The following NEB variants were observed in gnomAD, a reference collection of about 807,000 sequenced individuals.
NEB encodes nebulin, also known as nemaline myopathy type 2.
In NEB, 512 loss-of-function variants were observed where a neutral mutation model predicts 952.2. The ratio of observed to expected loss-of-function variants is 0.54; its 90% confidence interval spans 0.50 to 0.58. The LOEUF is 0.58. Among genes scored for constraint, NEB ranks in the 20% least tolerant of loss-of-function variants. The pLI, the probability that NEB is intolerant of heterozygous loss-of-function variation, is 0.00. For synonymous variants in NEB, 2,900 were observed against 3,149.8 expected (o/e 0.92, Z 2.66); for missense variants, 8,428 against 9,231.1 (o/e 0.91, Z 3.56).
intron 22 of NEB, 24 bp from the exon 23 acceptor site, chr2:151,691,992 A>G (rs555690038): frequency 9.3e-6 from 15 of 1,608,894 alleles, no homozygotes; most frequent in Non-Finnish European, 1.3e-5. Flanking sequence ...AACCAAAAAT[A>G]GATCATGATT....
At chr2:151,532,826 G>C (rs1450655555) in intron 143 of NEB, among the ~76,000 whole-genome samples, 1 of 151,896 alleles carries the variant, frequency 6.6e-6, no homozygotes, top group Admixed American at 6.6e-5. Context: ...GTTTATTGCT[G>C]CATCAAATTT....
intron 51 of NEB, among the ~76,000 whole-genome samples, 199 bp from the exon 52 acceptor site, chr2:151,654,298 A>G (rs1474246999): frequency 6.6e-6 from 1 of 152,178 alleles, no homozygotes; most frequent in Non-Finnish European, 1.5e-5. Flanking sequence ...CCTGGCTTTA[A>G]TCTTTTTTGG....
intron 65 of NEB, among the ~76,000 whole-genome samples, chr2:151,631,682 A>G (rs2098670858): frequency 6.6e-6 from 1 of 152,198 alleles, no homozygotes; most frequent in Non-Finnish European, 1.5e-5. Flanking sequence ...CGTGCCCAAC[A>G]TCAGGCCCTT....
intron 76 of NEB, among the ~76,000 whole-genome samples, chr2:151,615,704 AT>A (rs888382086): frequency 6.6e-6 from 1 of 151,818 alleles, no homozygotes. Context: ...TTATTTATTT[AT>A]TTTTTTTGAA....
At chr2:151,565,002 C>A in intron 117 of NEB, 42 bp downstream of exon 117, 1 of 1,222,766 alleles carries the variant, frequency 8.2e-7, no homozygotes. Flanking sequence ...ACAAGAGCTT[C>A]AAATTAGAAA....
In NEB at chr2:151,666,310, T is replaced by A. The variant is rs1400154288; in HGVS notation, c.4811A>T (p.Asn1604Ile). 6.2e-7 allele frequency: 1 copy of A among 1,613,914 alleles called. No individual in the cohort carries two copies. The highest frequency in any genetic ancestry group is 1.1e-5 in the South Asian group (1 of 91,080). The change falls in exon 41 of 182, where the codon AAT becomes ATT. Residue 1604 changes from asparagine to isoleucine, a missense_variant. Physicochemically the swap from Asn to Ile is moderately radical, Grantham distance 149. This residue lies in a region of NEB where 2,851 missense variants were observed against 2,791.5 expected (regional missense o/e 1.02). Coordinates refer to ENST00000397345, the MANE Select transcript of NEB (RefSeq NM_001164508.2). ...ACGATCAGACTGGATTTTGGCCACATTCATGTAGTGAACCAGTTTAGGATC... is the reference window on the plus strand; with the variant it reads ...ACGATCAGACTGGATTTTGGCCACAATCATGTAGTGAACCAGTTTAGGATC... ...QDDPKLVHYMNVAKIQSDREY... is the reference protein window; with the variant it reads ...QDDPKLVHYMIVAKIQSDREY...
intron 13 of NEB, among the ~76,000 whole-genome samples, chr2:151,699,982 T>A (rs2099633736): frequency 7.0e-6 from 1 of 142,968 alleles, no homozygotes; most frequent in Non-Finnish European, 1.5e-5. Context: ...TCTTCTAGGG[T>A]TTTTATGGTT....
Position 151,497,663 on chromosome 2 carries a change from A to AT in NEB, c.24262dup (p.Met8088AsnfsTer12). The stretch of plus-strand genomic sequence containing the variant: ...TTCTTGATTGTGTTTGACTCTTTCC[A>AT]TCTCGGGAGTGACAGGTAAAGGGGT... On this transcript the variant is annotated frameshift_variant, in exon 171 of 182. Coordinates refer to ENST00000397345, the MANE Select transcript of NEB (RefSeq NM_001164508.2). LOFTEE classifies it high-confidence loss of function. The AT allele has an allele frequency of 6.3e-7, 1 of 1,585,424 alleles. No homozygotes were observed. Among genetic ancestry groups the AT allele is most frequent in the Non-Finnish European group, 8.6e-7 (1 of 1,163,468 alleles).
chr2:151,717,697 A>T (rs753909381), intron 9 of NEB, among the ~76,000 whole-genome samples, 177 bp from the exon 10 acceptor site: 1 of 152,144 alleles, frequency 6.6e-6, no homozygotes. Flanking sequence ...CTCAAGACTC[A>T]TGGCCCTAGA....
At chr2:151,577,298 A>T (rs1184798003) in intron 105 of NEB, among the ~76,000 whole-genome samples, 2 of 152,054 alleles carry the variant, frequency 1.3e-5, no homozygotes, top group Admixed American at 6.6e-5. Context: ...CTGTACTTCC[A>T]TTGGCCCTGT....
Position 151,682,688 on chromosome 2 carries a change from T to C in NEB, c.2917A>G (p.Lys973Glu). Residue 973 changes from lysine (K) to glutamate (E), a missense_variant, in exon 29 of 182, where the codon AAG becomes GAG. Physicochemically the swap from Lys to Glu is moderately conservative, Grantham distance 56. Around this residue, in one of 11 missense-constraint regions of NEB, gnomAD observed 2,851 missense variants for 2,791.5 expected, o/e 1.02. Transcript: ENST00000397345. ...TCATTGAGGATGTCTGAAGCTCGCTTTGCCTTTTCCATTTCTAAGGACCCA... is the reference window on the plus strand; with the variant it reads ...TCATTGAGGATGTCTGAAGCTCGCTCTGCCTTTTCCATTTCTAAGGACCCA... ...PFGSLEMEKA[K>E]RASDILNEKK... 2 of 1,613,196 alleles carry C rather than the reference T, an allele frequency of 1.2e-6. No individual in the cohort carries two copies. The highest frequency in any genetic ancestry group is 1.7e-6 in the Non-Finnish European group (2 of 1,179,446).
chr2:151,625,915 C>T (rs2098513385), intron 70 of NEB, among the ~76,000 whole-genome samples: 1 of 152,130 alleles, frequency 6.6e-6, no homozygotes, highest in African/African-American at 2.4e-5. Context: ...CCAGGTCACT[C>T]TCACCCCAAT....
At chr2:151,531,308 CTTTTTTT>C (rs1159075000) in intron 144 of NEB, among the ~76,000 whole-genome samples, 32 of 84,030 alleles carry the variant, frequency 3.8e-4, no homozygotes, top group Admixed American at 1.8e-3. Context: ...TTTTTTCTTT[CTTTTTTT>C]TTTTTTTTTT....
chr2:151,503,325 C>T, intron 166 of NEB, 24 bp downstream of exon 166: 1 of 1,521,540 alleles, frequency 6.6e-7, no homozygotes, highest in Non-Finnish European at 9.1e-7. Context: ...GAAATAGTTT[C>T]TTATATGATA....
At position 151,493,767 on chromosome 2, in the gene NEB, T is replaced by C. The variant is rs2058314411; in HGVS notation, c.24672+8A>G. On this transcript the variant is annotated splice_region_variant and intron_variant, in intron 175 of 181. Coordinates refer to ENST00000397345, the MANE Select transcript of NEB (RefSeq NM_001164508.2). Reference sequence around the variant, plus strand: ...ATTTTAAGGATTTATTTTTCCTTTCTAAAATACCGAGCTAAAGTTTTCTTG... The same window carrying C: ...ATTTTAAGGATTTATTTTTCCTTTCCAAAATACCGAGCTAAAGTTTTCTTG... 1 of 1,536,868 alleles carries C rather than the reference T, an allele frequency of 6.5e-7. No individual in the cohort carries two copies. The highest frequency in any genetic ancestry group is 2.3e-5 in the East Asian group (1 of 42,810).
intron 173 of NEB, among the ~76,000 whole-genome samples, chr2:151,494,656 T>C (rs1287323389): frequency 6.6e-6 from 1 of 152,164 alleles, no homozygotes; most frequent in Non-Finnish European, 1.5e-5. Context: ...TTGTTTTGTT[T>C]TGTTTTTGAG....
At chr2:151,496,816 A>AAAT in intron 172 of NEB, 125 bp downstream of exon 172, 1 of 1,197,970 alleles carries the variant, frequency 8.3e-7, no homozygotes, top group Non-Finnish European at 1.2e-6. Flanking sequence ...AAAAAAGGAT[A>AAAT]AATTTGCTAA....
At chr2:151,526,370 A>G (rs1486479396) in intron 148 of NEB, 108 bp from the exon 149 acceptor site, 2 of 783,508 alleles carry the variant, frequency 2.6e-6, no homozygotes, top group Admixed American at 2.2e-5. Flanking sequence ...ACTAAACTCA[A>G]TAAAAGATGT....
rs552505883 is a variant in NEB at position 151,689,914 on chromosome 2, CATT to C, written c.2310+810_2310+812del. 1.4e-4 allele frequency: 22 copies of C among 152,288 alleles called. No individual in the cohort carries two copies. The South Asian group carries it at 4.4e-3, about 30-fold the overall frequency. 9.4% of individuals were successfully genotyped at this position (152,288 alleles called of 1,614,324 possible). A position where few individuals can be genotyped will look rare whatever the true frequency, so the allele number is the denominator to read the frequency against. On this transcript the variant is annotated intron_variant, in intron 24 of 181. Transcript: ENST00000397345. ...TAATTGGGTATGAGCTAATTTGTGT[CATT>C]AAAATATATTTTATAGTAGGACAAA...
Sources: gnomAD v4.1 joint callset for allele counts (sites outside exome capture counted in the v4.1 genomes callset) on GRCh38, gnomAD v4.1.1 for gene constraint, gnomAD v4.1.1 regional missense constraint, MANE v1.5 for transcripts, NCBI Gene and HGNC (gene_info 2026-07-23, HGNC 2026-07-21) for gene names.